TMEM44: variants seen among roughly 807,000 people sequenced by gnomAD.
The protein encoded by TMEM44 is transmembrane protein 44.
A neutral mutation model predicts 47.8 loss-of-function variants in TMEM44; 43 were observed. The ratio of observed to expected loss-of-function variants is 0.90; its 90% CI spans 0.70 to 1.16. TMEM44 has a LOEUF of 1.16. Among genes scored for constraint, TMEM44 ranks in the 50% most tolerant of loss-of-function variants. The probability of loss-of-function intolerance (pLI) is 0.00; values close to 1 mark genes in which losing one functional copy is unlikely to be tolerated. For synonymous variants in TMEM44, 277 were observed against 238.8 expected (o/e 1.16, Z -1.48); for missense variants, 568 against 555.2 (o/e 1.02, Z -0.23).
At chr3:194,615,142 T>G (rs1715738848) in intron 7 of TMEM44, among the ~76,000 whole-genome samples, 1 of 152,122 alleles carries the variant, frequency 6.6e-6, no homozygotes, top group Non-Finnish European at 1.5e-5. Context: ...CTTGGGTGGC[T>G]GAGGCAGGAG....
chr3:194,622,451 C>G (rs904732697), intron 5 of TMEM44: 1 of 152,058 alleles, frequency 6.6e-6, no homozygotes, highest in Non-Finnish European at 1.5e-5. Flanking sequence ...GGAGGGCAAG[C>G]GCTCGCCCCT....
At chr3:194,633,021 G>C in intron 1 of TMEM44, 58 bp downstream of exon 1, 1 of 1,526,462 alleles carries the variant, frequency 6.6e-7, no homozygotes, top group Non-Finnish European at 8.8e-7. Flanking sequence ...AGAGGGAGCA[G>C]CAGGGGATTG....
intron 3 of TMEM44, 152 bp downstream of exon 3, chr3:194,625,745 G>T: frequency 1.6e-6 from 1 of 630,112 alleles, no homozygotes; most frequent in Non-Finnish European, 2.9e-6. Flanking sequence ...CTCCCAAAGT[G>T]CTGGGATTCC....
chr3:194,608,713 T>G (rs571527035), intron 8 of TMEM44, among the ~76,000 whole-genome samples: 1 of 151,572 alleles, frequency 6.6e-6, no homozygotes, highest in African/African-American at 2.4e-5. Flanking sequence ...TAGACAGGAG[T>G]GAACAGGAGA....
chr3:194,610,869 T>C lies in TMEM44; in HGVS notation c.1017+47A>G, dbSNP rs1299662033. ...CCTCCTCCAGGAAGCCTTCCATGAC[T>C]GCTTCCCATCCTCTCAGACACCTGG... On this transcript the variant is annotated intron_variant, in intron 8 of 9. Coordinates refer to ENST00000347147, the MANE Select transcript of TMEM44 (RefSeq NM_001011655.3). 1.2e-5 allele frequency: 19 copies of C among 1,534,648 alleles called. No individual in the cohort carries two copies. In the East Asian group the frequency reaches 4.3e-4, roughly 34 times the overall value.
chr3:194,602,961 T>C (rs988295059), intron 9 of TMEM44, among the ~76,000 whole-genome samples: 11 of 152,226 alleles, frequency 7.2e-5, no homozygotes, highest in Middle Eastern at 3.2e-3. Flanking sequence ...ACTATTACCA[T>C]TCTTTCCTAA....
At chr3:194,622,347 C>G (rs969966119) in intron 5 of TMEM44, among the ~76,000 whole-genome samples, 1 of 152,172 alleles carries the variant, frequency 6.6e-6, no homozygotes, top group Non-Finnish European at 1.5e-5. Context: ...AGCCTTCTCT[C>G]TCTTCTGAAA....
intron 9 of TMEM44, among the ~76,000 whole-genome samples, chr3:194,598,629 G>A (rs9839787): frequency 0.43 from 64,867 of 152,084 alleles, 14,707 homozygotes; most frequent in East Asian, 0.77. Flanking sequence ...ACTGTTCGCA[G>A]TGAGCACCGC....
chr3:194,610,294 C>T (rs1319200245), intron 8 of TMEM44, among the ~76,000 whole-genome samples: 2 of 152,150 alleles, frequency 1.3e-5, no homozygotes, highest in East Asian at 3.9e-4. Context: ...TTTCATCTCC[C>T]CTCACTCCTA....
At chr3:194,620,147 T>C (rs1453545063) in intron 5 of TMEM44, among the ~76,000 whole-genome samples, 1 of 151,660 alleles carries the variant, frequency 6.6e-6, no homozygotes, top group African/African-American at 2.4e-5. Flanking sequence ...AAAAATTAGC[T>C]GGGCGTGGTG....
intron 1 of TMEM44, among the ~76,000 whole-genome samples, chr3:194,629,056 C>T (rs1374657123): frequency 1.3e-5 from 2 of 151,898 alleles, no homozygotes; most frequent in African/African-American, 4.8e-5. Flanking sequence ...CCCAGCTACT[C>T]CGGAGGCTGA....
At position 194,617,166 on chromosome 3, in the gene TMEM44, G is replaced by C; in HGVS notation, c.716C>G (p.Pro239Arg). 2 of 1,557,400 alleles carry C rather than the reference G, an allele frequency of 1.3e-6. No homozygotes were observed. Among genetic ancestry groups the C allele is most frequent in the Non-Finnish European group, 1.7e-6 (2 of 1,151,144 alleles). ...GGGTGTGGCCCGCAGCAGGTACTCA[G>C]GGTGCTGGTCGTGGGCCACAATGGC... ...ASAIVAHDQH[P>R]EYLLRATPWF... The change falls in exon 6 of 10, where the codon CCT becomes CGT. Residue 239 changes from proline to arginine, a missense_variant. Physicochemically the swap from Pro to Arg is moderately radical, Grantham distance 103 (BLOSUM62 -2). Transcript: ENST00000347147.
chr3:194,612,899 G>A (rs368154532), intron 7 of TMEM44, among the ~76,000 whole-genome samples: 4 of 152,212 alleles, frequency 2.6e-5, no homozygotes, highest in East Asian at 1.9e-4. Flanking sequence ...TGATCCGCCC[G>A]CCTCTGCCTC....
chr3:194,614,746 T>C (rs536215809), intron 7 of TMEM44, among the ~76,000 whole-genome samples: 1 of 152,320 alleles, frequency 6.6e-6, no homozygotes, highest in Non-Finnish European at 1.5e-5. Context: ...TTAAGGTATG[T>C]AGCATGTGAA....
intron 9 of TMEM44, among the ~76,000 whole-genome samples, chr3:194,602,588 C>T (rs191752297): frequency 2.8e-5 from 4 of 142,026 alleles, no homozygotes; most frequent in Admixed American, 7.0e-5. Context: ...GGTGACAGAG[C>T]GAGAACTCCT....
At position 194,623,226 on chromosome 3, in the gene TMEM44, T is replaced by C. The variant is rs371132751; in HGVS notation, c.610A>G (p.Ile204Val). Reference sequence around the variant, plus strand: ...CCCATCCCCACCCCCGGCCTCACAATTCTGGAGAGAGGGGGGATCCGAGAA... The same window carrying C: ...CCCATCCCCACCCCCGGCCTCACAACTCTGGAGAGAGGGGGGATCCGAGAA... ...WASRIPPLSRICRGKTFPSIH... is the reference protein window; with the variant it reads ...WASRIPPLSRVCRGKTFPSIH... Residue 204 changes from isoleucine (I) to valine (V), a missense_variant and splice_region_variant, in exon 5 of 10, where the codon ATT becomes GTT. Coordinates refer to ENST00000347147, the MANE Select transcript of TMEM44 (RefSeq NM_001011655.3). 1 of 1,607,232 alleles carries C rather than the reference T, an allele frequency of 6.2e-7. No homozygotes were observed. Among genetic ancestry groups the C allele is most frequent in the South Asian group, 1.1e-5 (1 of 89,714 alleles).
At chr3:194,593,626 C>T (rs556167495) in intron 9 of TMEM44, among the ~76,000 whole-genome samples, 5 of 152,270 alleles carry the variant, frequency 3.3e-5, no homozygotes, top group African/African-American at 1.2e-4. Flanking sequence ...CCAGCACCTC[C>T]TGCAGCGCCT....
chr3:194,624,661 T>G (rs761573461), intron 3 of TMEM44, among the ~76,000 whole-genome samples: 6 of 152,034 alleles, frequency 3.9e-5, no homozygotes, highest in Non-Finnish European at 7.4e-5. Context: ...TCAAGCAATC[T>G]TCCCAACTCA....
chr3:194,604,230 CAAGT>C, intron 9 of TMEM44, 53 bp downstream of exon 9: 7 of 1,548,722 alleles, frequency 4.5e-6, no homozygotes, highest in Non-Finnish European at 6.1e-6. Flanking sequence ...GAGCACCCAG[CAAGT>C]GTCGGCGAAC....
Sources: gnomAD v4.1 joint callset for allele counts (sites outside exome capture counted in the v4.1 genomes callset) on GRCh38, gnomAD v4.1.1 for gene constraint, MANE v1.5 for transcripts, NCBI Gene and HGNC (gene_info 2026-07-23, HGNC 2026-07-21) for gene names.